ARID4A: variants seen among roughly 807,000 people sequenced by gnomAD.
ARID4A encodes the protein AT-rich interaction domain 4A.
In ARID4A, 39 loss-of-function variants were observed where a neutral mutation model predicts 148.6. The ratio of observed to expected loss-of-function variants is 0.26; its 90% CI spans 0.20 to 0.34. The LOEUF (loss-of-function observed/expected upper bound fraction) is 0.34, where lower values mean the gene tolerates loss of function less well. Ranked by LOEUF, ARID4A falls within the 10% of genes least tolerant of loss-of-function variation. The probability of loss-of-function intolerance (pLI) is 1.00; values close to 1 mark genes in which losing one functional copy is unlikely to be tolerated. For missense variants in ARID4A, 1,265 were observed against 1,449.1 expected (o/e 0.87, Z 2.06); for synonymous variants, 475 against 481.2 (o/e 0.99, Z 0.17).
At chr14:58,352,094 C>T (rs940946049) in intron 16 of ARID4A, among the ~76,000 whole-genome samples, 9 of 152,140 alleles carry the variant, frequency 5.9e-5, no homozygotes, top group Admixed American at 2.6e-4. Flanking sequence ...ACTTGTAATA[C>T]CAGCTCTCTT....
chr14:58,312,449 C>T (rs534441361), intron 5 of ARID4A, among the ~76,000 whole-genome samples: 14 of 152,198 alleles, frequency 9.2e-5, no homozygotes, highest in African/African-American at 3.1e-4. Context: ...CTCCTGAGCT[C>T]AAGTGATCCA....
At chr14:58,359,298 C>A in intron 18 of ARID4A, 82 bp downstream of exon 18, 3 of 1,357,298 alleles carry the variant, frequency 2.2e-6, no homozygotes, top group South Asian at 2.8e-5. Flanking sequence ...ACTTTAAGAA[C>A]AGTTTTAGGT....
intron 5 of ARID4A, among the ~76,000 whole-genome samples, chr14:58,311,240 C>T (rs540602493): frequency 6.6e-6 from 1 of 151,716 alleles, no homozygotes; most frequent in East Asian, 1.9e-4. Flanking sequence ...AGCAAGACTC[C>T]AATCTAAAAA....
At chr14:58,348,160 AGG>A (rs2034463501) in intron 15 of ARID4A, among the ~76,000 whole-genome samples, 1 of 152,100 alleles carries the variant, frequency 6.6e-6, no homozygotes, top group African/African-American at 2.4e-5. Flanking sequence ...ACCTCATTGA[AGG>A]CTGTCTTGGT....
intron 7 of ARID4A, 59 bp from the exon 8 acceptor site, chr14:58,323,426 T>C: frequency 6.4e-7 from 1 of 1,559,244 alleles, no homozygotes; most frequent in Non-Finnish European, 8.8e-7. Flanking sequence ...AAATTCACAA[T>C]ACTCTGTATC....
intron 5 of ARID4A, among the ~76,000 whole-genome samples, chr14:58,306,803 T>A (rs1266860974): frequency 6.6e-6 from 1 of 152,112 alleles, no homozygotes; most frequent in Non-Finnish European, 1.5e-5. Flanking sequence ...CGCTTGAACC[T>A]GGGAGGCGGA....
At position 58,365,002 on chromosome 14, in the gene ARID4A, T is replaced by G. The variant is rs1487288972; in HGVS notation, c.2913T>G (p.Asp971Glu). 2 of 1,614,160 alleles carry G rather than the reference T, an allele frequency of 1.2e-6. No individual in the cohort carries two copies. Among genetic ancestry groups the G allele is most frequent in the Non-Finnish European group, 1.7e-6 (2 of 1,180,020 alleles). Reference protein sequence around the residue: ...EVDLDDLDEKDKTSIEDVAVE... With the variant: ...EVDLDDLDEKEKTSIEDVAVE... ...ATTTGGATGATTTGGATGAAAAGGA[T>G]AAGACCAGCATTGAGGATGTAGCAG... Residue 971 changes from aspartate (D) to glutamate (E), a missense_variant, in exon 20 of 24, where the codon GAT becomes GAG. By Grantham distance (45) the Asp-to-Glu change is conservative (BLOSUM62 2). Coordinates refer to ENST00000355431, the MANE Select transcript of ARID4A (RefSeq NM_002892.4).
chr14:58,306,778 C>A (rs1293141561), intron 5 of ARID4A, among the ~76,000 whole-genome samples: 1 of 152,166 alleles, frequency 6.6e-6, no homozygotes, highest in African/African-American at 2.4e-5. Flanking sequence ...ACTCTGGAGG[C>A]TGAGGCAGGA....
intron 5 of ARID4A, among the ~76,000 whole-genome samples, chr14:58,313,588 A>C (rs1254396746): frequency 2.6e-5 from 4 of 152,288 alleles, no homozygotes; most frequent in African/African-American, 9.6e-5. Flanking sequence ...AAATTTGCTC[A>C]TCATACTATG....
chr14:58,353,601 AT>A, intron 16 of ARID4A, 56 bp from the exon 17 acceptor site: 1 of 1,458,914 alleles, frequency 6.9e-7, no homozygotes, highest in Non-Finnish European at 9.5e-7. Flanking sequence ...TTCTTTTAGC[AT>A]ATTTTATTCT....
intron 11 of ARID4A, among the ~76,000 whole-genome samples, chr14:58,341,511 TACA>T (rs1444857454): frequency 6.6e-6 from 1 of 152,242 alleles, no homozygotes; most frequent in Non-Finnish European, 1.5e-5. Context: ...TGATGTATTT[TACA>T]ACACTTACCA....
Position 58,337,506 on chromosome 14 carries a change from G to GA in ARID4A, c.907-7186dup, listed in dbSNP as rs760596495. Among the ~76,000 whole-genome samples the GA allele has an allele frequency of 2.6e-5, 4 of 151,834 alleles. 1 individual carries two copies. On this transcript the variant is annotated intron_variant, in intron 11 of 23. Coordinates refer to ENST00000355431, the MANE Select transcript of ARID4A (RefSeq NM_002892.4). ...CAATTGTTGTAGTAAATTACTCTTT[G>GA]AAACAAGGTGGTGGGAGATTTGTTA...
At chr14:58,304,893 T>C (rs1204145849) in intron 3 of ARID4A, 51 bp from the exon 4 acceptor site, 1 of 1,411,934 alleles carries the variant, frequency 7.1e-7, no homozygotes, top group Admixed American at 1.7e-5. Flanking sequence ...TTACTATAAA[T>C]GTATTTGTTT....
chr14:58,336,245 A>T (rs2033808578), intron 11 of ARID4A, among the ~76,000 whole-genome samples: 1 of 152,172 alleles, frequency 6.6e-6, no homozygotes, highest in South Asian at 2.1e-4. Flanking sequence ...CTTGGCTCTT[A>T]GTCCTTACAC....
At chr14:58,344,941 T>A (rs953742369) in intron 12 of ARID4A, among the ~76,000 whole-genome samples, 174 bp downstream of exon 12, 1 of 152,176 alleles carries the variant, frequency 6.6e-6, no homozygotes, top group African/African-American at 2.4e-5. Flanking sequence ...GATTTGCTCC[T>A]GGCTTACTGC....
At position 58,345,719 on chromosome 14, in the gene ARID4A, C is replaced by CTTT. The variant is rs869137059; in HGVS notation, c.980-665_980-663dup. Among the ~76,000 whole-genome samples, 19 of 75,876 alleles carry CTTT rather than the reference C, an allele frequency of 2.5e-4. 3 individuals are homozygous for CTTT. The highest frequency in any genetic ancestry group is 7.7e-4 in the African/African-American group (13 of 16,946). The allele number at this position is 75,876 out of a possible 152,430, so 49.8% of individuals were successfully genotyped here. A position where few individuals can be genotyped will look rare whatever the true frequency, so the allele number is the denominator to read the frequency against. ...TCTGTTGTGTTTGTTTATGCCTAAA[C>CTTT]TTTTTTTTTTTTTTTTTTTTTTTTT... On this transcript the variant is annotated intron_variant, in intron 12 of 23. Coordinates refer to ENST00000355431, the MANE Select transcript of ARID4A (RefSeq NM_002892.4).
At chr14:58,367,948 T>C (rs1179708476) in intron 23 of ARID4A, among the ~76,000 whole-genome samples, 6 of 152,084 alleles carry the variant, frequency 3.9e-5, no homozygotes, top group Non-Finnish European at 5.9e-5. Flanking sequence ...ATTAATACCA[T>C]GTAACCCCAG....
In ARID4A at chr14:58,298,698, T is replaced by G. The variant is rs1173093141; in HGVS notation, c.-60T>G. The G allele has an allele frequency of 3.3e-5, 5 of 152,074 alleles. No homozygotes were observed. Among genetic ancestry groups the G allele is most frequent in the African/African-American group, 7.3e-5 (3 of 41,176 alleles). 9.4% of individuals were successfully genotyped at this position (152,074 alleles called of 1,614,324 possible). The stretch of plus-strand genomic sequence containing the variant: ...CTGACAGCGCGCACTTCACCCGCAG[T>G]TGGTAGGTGGGGAGAGGGGAATCCG... On this transcript the variant is annotated splice_region_variant and 5_prime_UTR_variant, in exon 1 of 24. Coordinates refer to ENST00000355431, the MANE Select transcript of ARID4A (RefSeq NM_002892.4).
Position 58,351,336 on chromosome 14 carries a change from AT to A in ARID4A, c.1655+14del. ...AAAGCCAAGAGAGGTACATTATCTTATGTTTGTTCTCCAGAAGCACCTGTCT... is the reference window on the plus strand; with the variant it reads ...AAAGCCAAGAGAGGTACATTATCTTAGTTTGTTCTCCAGAAGCACCTGTCT... On this transcript the variant is annotated intron_variant, in intron 16 of 23. Coordinates refer to ENST00000355431, the MANE Select transcript of ARID4A (RefSeq NM_002892.4). The A allele has an allele frequency of 6.3e-7, 1 of 1,584,242 alleles. No individual in the cohort carries two copies. Among genetic ancestry groups the A allele is most frequent in the Non-Finnish European group, 8.5e-7 (1 of 1,171,880 alleles).
Sources: gnomAD v4.1 joint callset for allele counts (sites outside exome capture counted in the v4.1 genomes callset) on GRCh38, gnomAD v4.1.1 for gene constraint, MANE v1.5 for transcripts, NCBI Gene and HGNC (gene_info 2026-07-23, HGNC 2026-07-21) for gene names.